The following RBM20 variants were observed in gnomAD, a reference collection of about 807,000 sequenced individuals.
RBM20 encodes RNA-binding protein 20.
In RBM20, 51 loss-of-function variants were observed where a neutral mutation model predicts 110.1. The ratio of observed to expected loss-of-function variants is 0.46; its 90% CI spans 0.37 to 0.59. The LOEUF is 0.59. RBM20 is among the 20% of genes least tolerant of loss of function. RBM20 has a pLI of 0.00. For synonymous variants in RBM20, 589 were observed against 618.2 expected (o/e 0.95, Z 0.70); for missense variants, 1,512 against 1,574.9 (o/e 0.96, Z 0.68).
intron 1 of RBM20, among the ~76,000 whole-genome samples, chr10:110,659,711 CT>C (rs376967647): frequency 5.7e-4 from 87 of 151,872 alleles, no homozygotes; most frequent in Non-Finnish European, 1.1e-3. Flanking sequence ...AATTTCTGTT[CT>C]TTTTTTTCTT....
At chr10:110,746,531 TTGTC>T (rs1447185723) in intron 1 of RBM20, among the ~76,000 whole-genome samples, 12 of 152,188 alleles carry the variant, frequency 7.9e-5, no homozygotes, top group African/African-American at 2.2e-4. Context: ...CCTTAGTTCT[TTGTC>T]TGACCACCAG....
Position 110,823,494 on chromosome 10 carries a change from G to T in RBM20, c.3331G>T (p.Val1111Leu), listed in dbSNP as rs77110978. 33 of 1,503,672 alleles carry T rather than the reference G, an allele frequency of 2.2e-5. No homozygotes were observed. The Admixed American group carries it at 7.2e-4, about 33-fold the overall frequency. 93.1% of individuals were successfully genotyped at this position (1,503,672 alleles called of 1,614,324 possible). A position where few individuals can be genotyped will look rare whatever the true frequency, so the allele number is the denominator to read the frequency against. ...ATGTTTTGCAGAAAACTCCAGGTACGTGGAAATGAAATCTCTGGAGGTGAG... is the reference window on the plus strand; with the variant it reads ...ATGTTTTGCAGAAAACTCCAGGTACTTGGAAATGAAATCTCTGGAGGTGAG... ...EVLTPENSRYVEMKSLEVRSP... is the reference protein window; with the variant it reads ...EVLTPENSRYLEMKSLEVRSP... The change falls in exon 12 of 14, where the codon GTG (valine) becomes TTG (leucine). Residue 1111 changes from valine to leucine, a missense_variant. By Grantham distance (32) the Val-to-Leu change is conservative. Around this residue, in one of 3 missense-constraint regions of RBM20, gnomAD observed 358 missense variants for 384.2 expected, o/e 0.93. Transcript: ENST00000369519.
rs1844792294 is a variant in RBM20, at chr10:110,812,850, C to A, written c.2453C>A (p.Ala818Asp). The change falls in exon 9 of 14, where the codon GCC becomes GAC. Residue 818 changes from alanine (A) to aspartate (D), a missense_variant. This residue lies in a region of RBM20 where 1,149 missense variants were observed against 1,169.4 expected (regional missense o/e 0.98). Coordinates refer to ENST00000369519, the MANE Select transcript of RBM20 (RefSeq NM_001134363.3). ...AAGGTCACTAGGGCCCCTGAGGGCG[C>A]CAAGGCCAAGCAGAATGAGAAAAAT... is the stretch of plus-strand genomic sequence containing the variant. ...GPKVTRAPEGAKAKQNEKNKT... is the reference protein window; with the variant it reads ...GPKVTRAPEGDKAKQNEKNKT... 1 of 1,510,378 alleles carries A rather than the reference C, an allele frequency of 6.6e-7. No homozygotes were observed. Among genetic ancestry groups the A allele is most frequent in the African/African-American group, 1.4e-5 (1 of 70,950 alleles). 93.6% of individuals were successfully genotyped at this position (1,510,378 alleles called of 1,614,324 possible).
At chr10:110,803,043 GT>G (rs1021222539) in intron 7 of RBM20, among the ~76,000 whole-genome samples, 4 of 152,086 alleles carry the variant, frequency 2.6e-5, no homozygotes, top group African/African-American at 9.7e-5. Flanking sequence ...AGTGTGTAGG[GT>G]GTATAATAGC....
At chr10:110,797,710 C>A in intron 6 of RBM20, 62 bp downstream of exon 6, 2 of 1,482,320 alleles carry the variant, frequency 1.3e-6, no homozygotes, top group Non-Finnish European at 1.8e-6. Flanking sequence ...TGAAAGGGAA[C>A]GATATAATTT....
At chr10:110,651,862 G>A (rs986711554) in intron 1 of RBM20, among the ~76,000 whole-genome samples, 1 of 152,240 alleles carries the variant, frequency 6.6e-6, no homozygotes, top group African/African-American at 2.4e-5. Context: ...GCGCTGTGGG[G>A]CCAGTGCTGC....
intron 5 of RBM20, among the ~76,000 whole-genome samples, chr10:110,785,853 G>A (rs1844412896): frequency 6.6e-6 from 1 of 152,066 alleles, no homozygotes; most frequent in Non-Finnish European, 1.5e-5. Context: ...ACTATTTAAT[G>A]TTTTATGGAA....
chr10:110,767,212 G>T (rs1319318506), intron 1 of RBM20, among the ~76,000 whole-genome samples: 7 of 131,734 alleles, frequency 5.3e-5, no homozygotes, highest in Admixed American at 5.1e-4. Flanking sequence ...CGGGCGGGGG[G>T]GCTGACCCCC....
intron 1 of RBM20, among the ~76,000 whole-genome samples, chr10:110,659,217 C>A (rs1420377484): frequency 6.6e-6 from 1 of 152,172 alleles, no homozygotes. Context: ...ATTTGGACTG[C>A]CTGTCTGAAA....
intron 13 of RBM20, among the ~76,000 whole-genome samples, chr10:110,831,689 A>AC (rs1307242002): frequency 3.9e-5 from 6 of 151,926 alleles, no homozygotes; most frequent in African/African-American, 1.5e-4. Flanking sequence ...AAAAAAAAAA[A>AC]AACACTGCTT....
intron 1 of RBM20, among the ~76,000 whole-genome samples, chr10:110,696,648 G>T (rs1009260930): frequency 4.6e-5 from 7 of 152,162 alleles, no homozygotes; most frequent in Non-Finnish European, 2.9e-5. Flanking sequence ...GGTGGAGTAG[G>T]AGGGCTTCCT....
At chr10:110,664,655 G>A (rs1418536987) in intron 1 of RBM20, among the ~76,000 whole-genome samples, 3 of 152,116 alleles carry the variant, frequency 2.0e-5, no homozygotes, top group Admixed American at 2.0e-4. Flanking sequence ...ATTGAGGCAT[G>A]AGAATCGCTT....
intron 1 of RBM20, among the ~76,000 whole-genome samples, chr10:110,750,179 C>A (rs967910140): frequency 6.6e-6 from 1 of 152,166 alleles, no homozygotes; most frequent in African/African-American, 2.4e-5. Flanking sequence ...GGTGGGGACA[C>A]AAGGGCTTGT....
intron 1 of RBM20, among the ~76,000 whole-genome samples, chr10:110,660,487 G>A (rs890061410): frequency 6.6e-6 from 1 of 152,136 alleles, no homozygotes; most frequent in East Asian, 1.9e-4. Flanking sequence ...GGAGGTGAGC[G>A]GTGGGCGAGC....
intron 1 of RBM20, among the ~76,000 whole-genome samples, chr10:110,662,378 C>G (rs1862116745): frequency 6.6e-6 from 1 of 152,198 alleles, no homozygotes; most frequent in Non-Finnish European, 1.5e-5. Flanking sequence ...AAGTGCCAAA[C>G]TGGGTCAGGC....
At chr10:110,766,923 C>A (rs1246575502) in intron 1 of RBM20, among the ~76,000 whole-genome samples, 1 of 149,096 alleles carries the variant, frequency 6.7e-6, no homozygotes, top group Admixed American at 6.6e-5. Context: ...CGCCCCTCAC[C>A]TCCCGGACGG....
At chr10:110,763,750 G>GTTTT (rs1554896897) in intron 1 of RBM20, among the ~76,000 whole-genome samples, 1 of 101,076 alleles carries the variant, frequency 9.9e-6, no homozygotes, top group Admixed American at 1.0e-4. Flanking sequence ...GGGCTTCTTG[G>GTTTT]CTTTTTTTTT....
intron 7 of RBM20, among the ~76,000 whole-genome samples, chr10:110,803,895 G>A (rs1005605985): frequency 4.6e-5 from 7 of 150,804 alleles, no homozygotes; most frequent in East Asian, 1.9e-4. Flanking sequence ...CTGCAGGTGC[G>A]GCTGGATTCA....
chr10:110,792,559 T>C (rs149919936), intron 5 of RBM20, among the ~76,000 whole-genome samples: 321 of 152,312 alleles, frequency 2.1e-3, no homozygotes, highest in Non-Finnish European at 3.6e-3. Context: ...GGCCCACAGT[T>C]AGTCACAGAG....
Sources: allele counts gnomAD v4.1 joint callset (sites outside exome capture counted in the v4.1 genomes callset), GRCh38; gene constraint gnomAD v4.1.1; regional missense constraint gnomAD v4.1.1; transcripts MANE v1.5; gene names NCBI Gene and HGNC (gene_info 2026-07-23, HGNC 2026-07-21).